PLAAT1: variants seen among roughly 807,000 people sequenced by gnomAD.
The protein encoded by PLAAT1 is phospholipase A and acyltransferase 1, also known as H-REV107 protein-related protein.
PLAAT1 carries 13 observed loss-of-function variants against 16.4 expected under a neutral mutation model. The observed-to-expected ratio is 0.79, with a 90% CI of 0.52 to 1.26. The LOEUF (loss-of-function observed/expected upper bound fraction) is 1.26. Among genes scored for constraint, PLAAT1 ranks in the 50% most tolerant of loss-of-function variants. The probability of loss-of-function intolerance (pLI) is 0.00; values close to 1 mark genes in which losing one functional copy is unlikely to be tolerated. For missense variants in PLAAT1, 218 were observed against 207.8 expected (o/e 1.05, Z -0.30); for synonymous variants, 73 against 78.4 (o/e 0.93, Z 0.36).
intron 1 of PLAAT1, among the ~76,000 whole-genome samples, chr3:193,250,770 TA>T (rs1166921439): frequency 9.2e-5 from 14 of 152,226 alleles, no homozygotes; most frequent in Middle Eastern, 3.4e-3. Flanking sequence ...AAGCAAGCCA[TA>T]GGGGAAGGTG....
At chr3:193,276,671 C>A in intron 2 of PLAAT1, 1 of 994,722 alleles carries the variant, frequency 1.0e-6, no homozygotes, top group Non-Finnish European at 1.5e-6. Flanking sequence ...AAAGTGGTTG[C>A]TCTAGAAAAT....
chr3:193,279,472 A>T, downstream of PLAAT1: 1 of 1,593,556 alleles, frequency 6.3e-7, no homozygotes, highest in South Asian at 1.1e-5. Context: ...AATACCAAAC[A>T]TTATTTTTAG....
Position 193,270,592 on chromosome 3 carries a change from G to C in PLAAT1, c.406-12G>C. On this transcript the variant is annotated splice_polypyrimidine_tract_variant and intron_variant, in intron 3 of 3. Transcript: ENST00000264735. Reference sequence around the variant, plus strand: ...ATGATGTGTTTTTTGTTTACTTCTTGTTTCCTTATAGGCCAACCGAGCGAT... The same window carrying C: ...ATGATGTGTTTTTTGTTTACTTCTTCTTTCCTTATAGGCCAACCGAGCGAT... The C allele has an allele frequency of 1.2e-6, 2 of 1,607,152 alleles. No individual in the cohort carries two copies. Among genetic ancestry groups the C allele is most frequent in the Non-Finnish European group, 1.7e-6 (2 of 1,176,656 alleles).
chr3:193,262,846 G>A (rs1716635714), intron 2 of PLAAT1, 124 bp from the exon 3 acceptor site: 3 of 940,418 alleles, frequency 3.2e-6, no homozygotes, highest in Admixed American at 2.3e-5. Context: ...AATGACTTTG[G>A]TTTGATAATA....
At chr3:193,242,190 C>A (rs1242858765) in intron 1 of PLAAT1, among the ~76,000 whole-genome samples, 1 of 150,940 alleles carries the variant, frequency 6.6e-6, no homozygotes, top group Non-Finnish European at 1.5e-5. Flanking sequence ...AGACAGTTCT[C>A]CCAGTGTGGC....
chr3:193,281,315 C>T, downstream of PLAAT1: 1 of 495,814 alleles, frequency 2.0e-6, no homozygotes, highest in Non-Finnish European at 2.6e-6. Flanking sequence ...GTCTAATGGT[C>T]TAAAAACTAG....
Position 193,270,794 on chromosome 3 carries a change from T to C in PLAAT1, c.*89T>C. ...ATACTTATTTTCAGTGCATCATTACTGTTCCAGATTCCTATGATGGATGGC... is the reference window on the plus strand; with the variant it reads ...ATACTTATTTTCAGTGCATCATTACCGTTCCAGATTCCTATGATGGATGGC... On this transcript the variant is annotated 3_prime_UTR_variant, in exon 4 of 4. Coordinates refer to ENST00000264735, the MANE Select transcript of PLAAT1 (RefSeq NM_020386.5). 3 of 1,483,052 alleles carry C rather than the reference T, an allele frequency of 2.0e-6. No individual in the cohort carries two copies. Among genetic ancestry groups the C allele is most frequent in the Non-Finnish European group, 2.7e-6 (3 of 1,113,374 alleles). The allele number at this position is 1,483,052 out of a possible 1,614,324, so 91.9% of individuals were successfully genotyped here. A position where few individuals can be genotyped will look rare whatever the true frequency, so the allele number is the denominator to read the frequency against.
chr3:193,262,238 T>C (rs1716609727), intron 2 of PLAAT1, among the ~76,000 whole-genome samples: 1 of 150,744 alleles, frequency 6.6e-6, no homozygotes, highest in Non-Finnish European at 1.5e-5. Context: ...CAAGGTGGAG[T>C]GGTAGGGCAT....
At chr3:193,266,757 G>A (rs906089538) in intron 3 of PLAAT1, among the ~76,000 whole-genome samples, 3 of 152,056 alleles carry the variant, frequency 2.0e-5, no homozygotes, top group Non-Finnish European at 2.9e-5. Context: ...AACAGTATCC[G>A]GGAATTTTAT....
Position 193,241,239 on chromosome 3 carries a change from G to A in PLAAT1, c.-295G>A, listed in dbSNP as rs1171552182. Reference sequence around the variant, plus strand: ...TCCCCATGGTCAGAGCCTCGTGCCGGCTCGGCAGCGCCCGGACGCCGAGCC... The same window carrying A: ...TCCCCATGGTCAGAGCCTCGTGCCGACTCGGCAGCGCCCGGACGCCGAGCC... On this transcript the variant is annotated 5_prime_UTR_variant, in exon 1 of 4. Coordinates refer to ENST00000264735, the MANE Select transcript of PLAAT1 (RefSeq NM_020386.5). 9 of 1,225,484 alleles carry A rather than the reference G, an allele frequency of 7.3e-6. No individual in the cohort carries two copies. Among genetic ancestry groups the A allele is most frequent in the African/African-American group, 3.1e-5 (2 of 63,990 alleles). 75.9% of individuals were successfully genotyped at this position (1,225,484 alleles called of 1,614,324 possible). A position where few individuals can be genotyped will look rare whatever the true frequency, so the allele number is the denominator to read the frequency against.
chr3:193,271,347 CT>C (rs1253949027), downstream of PLAAT1, among the ~76,000 whole-genome samples: 1 of 152,158 alleles, frequency 6.6e-6, no homozygotes, highest in African/African-American at 2.4e-5. Context: ...GCTGTTATTT[CT>C]ACAGTGTTAC....
Position 193,262,966 on chromosome 3 carries a change from A to G in PLAAT1, c.140-4A>G. On this transcript the variant is annotated splice_polypyrimidine_tract_variant and splice_region_variant and intron_variant, in intron 2 of 3. Coordinates refer to ENST00000264735, the MANE Select transcript of PLAAT1 (RefSeq NM_020386.5). ...ACCTTACTAACCAGAATTCTACTTT[A>G]TAGATGGCATTCCTGCGTCCTTTAC... is the stretch of plus-strand genomic sequence containing the variant. 2 of 1,614,042 alleles carry G rather than the reference A, an allele frequency of 1.2e-6. No homozygotes were observed. The highest frequency in any genetic ancestry group is 1.6e-4 in the Middle Eastern group (1 of 6,062).
chr3:193,275,036 T>G (rs780698933), downstream of PLAAT1: 3 of 1,614,022 alleles, frequency 1.9e-6, no homozygotes, highest in South Asian at 2.2e-5. Flanking sequence ...ACGACGACAA[T>G]TCTGATTACA....
chr3:193,280,275 G>A (rs974965746), downstream of PLAAT1, among the ~76,000 whole-genome samples: 9 of 152,074 alleles, frequency 5.9e-5, no homozygotes, highest in East Asian at 1.6e-3. Context: ...GGCTGGGCTC[G>A]AACTCCTGAC....
At chr3:193,255,954 G>A (rs530188664) in intron 2 of PLAAT1, among the ~76,000 whole-genome samples, 165 bp downstream of exon 2, 44 of 152,276 alleles carry the variant, frequency 2.9e-4, no homozygotes, top group African/African-American at 1.0e-3. Context: ...AACCAAAGCA[G>A]CATTGAAGAA....
chr3:193,255,375 G>A (rs1716337432), intron 1 of PLAAT1, among the ~76,000 whole-genome samples: 1 of 152,106 alleles, frequency 6.6e-6, no homozygotes, highest in South Asian at 2.1e-4. Flanking sequence ...ATTACAGAAT[G>A]CTTGTTATTA....
intron 3 of PLAAT1, among the ~76,000 whole-genome samples, chr3:193,265,055 A>T (rs78024157): frequency 0.01 from 1,596 of 152,320 alleles, 55 homozygotes; most frequent in East Asian, 0.072. Context: ...CCCTTCTGGT[A>T]GGCATGTAAA....
downstream of PLAAT1, among the ~76,000 whole-genome samples, chr3:193,278,128 G>A (rs115491873): frequency 5.7e-3 from 866 of 152,214 alleles, 9 homozygotes; most frequent in African/African-American, 0.02. Flanking sequence ...TTATGCAATG[G>A]TCTTCTCCCC....
intron 2 of PLAAT1, among the ~76,000 whole-genome samples, chr3:193,257,630 T>A (rs1177013176): frequency 6.6e-6 from 1 of 152,152 alleles, no homozygotes. Context: ...ATGCTTAATA[T>A]CTAGTGTCAA....
Sources: allele counts gnomAD v4.1 joint callset (sites outside exome capture counted in the v4.1 genomes callset), GRCh38; gene constraint gnomAD v4.1.1; transcripts MANE v1.5; gene names NCBI Gene and HGNC (gene_info 2026-07-23, HGNC 2026-07-21).